The following CEP131 variants were observed in gnomAD, a reference collection of about 807,000 sequenced individuals.
CEP131 encodes the protein centrosomal protein of 131 kDa.
A neutral mutation model predicts 136.8 loss-of-function variants in CEP131; 99 were observed. The observed-to-expected ratio is 0.72, with a 90% CI of 0.62 to 0.86. The LOEUF is 0.86. CEP131 is among the 40% of genes least tolerant of loss of function. The pLI is 0.00. For synonymous variants in CEP131, 646 were observed against 612.7 expected (o/e 1.05, Z -0.80); for missense variants, 1,459 against 1,463.0 (o/e 1.00, Z 0.04).
intron 21 of CEP131, 42 bp from the exon 22 acceptor site, chr17:81,191,377 G>A (rs377242846): frequency 8.1e-6 from 13 of 1,608,470 alleles, no homozygotes; most frequent in South Asian, 1.1e-5. Context: ...ACCCGGAGCC[G>A]GCCCGCGGGG....
Position 81,214,782 on chromosome 17 carries a change from A to T in CEP131, c.177+5098T>A, listed in dbSNP as rs559500162. Among the ~76,000 whole-genome samples the T allele has an allele frequency of 1.3e-3, 193 of 150,770 alleles. 1 individual carries two copies. In the South Asian group the frequency reaches 0.03, roughly 24 times the overall value. On this transcript the variant is annotated intron_variant, in intron 2 of 25. Coordinates refer to ENST00000450824, the MANE Select transcript of CEP131 (RefSeq NM_014984.4). ...TTGGCAATGCCTATCAAAAAAAAAA[A>T]TTTTTTTTGAGACGGAATCTCGCTC...
In CEP131 at chr17:81,200,347, C is replaced by A. The variant is rs1261259319; in HGVS notation, c.888G>T (p.Leu296Phe). ...CACTGACCTCCCGCTTGGCCTGAAG[C>A]AAGTGCTCCAGGCGGGCAGCTCCTG... The part of the protein sequence containing the change: ...RGAGAARLEH[L>F]LQAKREEQRQ... Residue 296 changes from leucine to phenylalanine, a missense_variant, in exon 8 of 26, where the codon TTG becomes TTT. Leu to Phe is a conservative substitution (Grantham distance 22, BLOSUM62 0). This residue lies in a region of CEP131 where 246 missense variants were observed against 318.9 expected (regional missense o/e 0.77). Coordinates refer to ENST00000450824, the MANE Select transcript of CEP131 (RefSeq NM_014984.4). 1 of 1,598,266 alleles carries A rather than the reference C, an allele frequency of 6.3e-7. No individual in the cohort carries two copies. Among genetic ancestry groups the A allele is most frequent in the Admixed American group, 1.7e-5 (1 of 58,370 alleles).
chr17:81,196,541 G>T (rs2061758686), intron 15 of CEP131, among the ~76,000 whole-genome samples, 160 bp downstream of exon 15: 1 of 152,248 alleles, frequency 6.6e-6, no homozygotes, highest in African/African-American at 2.4e-5. Flanking sequence ...GGGCATGCAT[G>T]GCTGGGAATG....
intron 7 of CEP131, among the ~76,000 whole-genome samples, chr17:81,201,295 C>T (rs1008424166): frequency 2.0e-5 from 3 of 152,060 alleles, no homozygotes; most frequent in Non-Finnish European, 2.9e-5. Flanking sequence ...CCTAACTGGG[C>T]GGTAGGGTAG....
Position 81,192,796 on chromosome 17 carries a change from C to A in CEP131, c.2369G>T (p.Arg790Leu). ...AGCCACCTCACTGTACAGCCGCTGCCGTTGCTGCTGCAGCGCCCACTGCTC... is the reference window on the plus strand; with the variant it reads ...AGCCACCTCACTGTACAGCCGCTGCAGTTGCTGCTGCAGCGCCCACTGCTC... ...EQEQWALQQQ[R>L]QRLYSEVAEE... Residue 790 changes from arginine to leucine, a missense_variant, in exon 19 of 26, where the codon CGG (arginine) becomes CTG (leucine). By Grantham distance (102) the Arg-to-Leu change is moderately radical (BLOSUM62 -2). This residue lies in a region of CEP131 where 1,026 missense variants were observed against 964.2 expected (regional missense o/e 1.06). Transcript: ENST00000450824. 1 of 1,597,668 alleles carries A rather than the reference C, an allele frequency of 6.3e-7. No homozygotes were observed. The highest frequency in any genetic ancestry group is 8.5e-7 in the Non-Finnish European group (1 of 1,178,304).
rs988407930 is a variant in CEP131 at position 81,199,767 on chromosome 17, C to T, written c.975G>A (p.Arg325=). Residue 325 remains arginine (R), a synonymous_variant, in exon 9 of 26, where the codon AGG becomes AGA. Coordinates refer to ENST00000450824, the MANE Select transcript of CEP131 (RefSeq NM_014984.4). ...DLHQQKEAAR[R]KAREEKARQA... ...GGCGTGCCTTCTCCTCCCGGGCCTT[C>T]CTCCTGGCTGCCTCTTTCTGCTGGT... 17 of 1,611,562 alleles carry T rather than the reference C, an allele frequency of 1.1e-5. No homozygotes were observed. Among genetic ancestry groups the T allele is most frequent in the Non-Finnish European group, 1.4e-5 (17 of 1,180,002 alleles).
At chr17:81,207,309 C>T in intron 3 of CEP131, 70 bp from the exon 4 acceptor site, 1 of 1,390,928 alleles carries the variant, frequency 7.2e-7, no homozygotes, top group African/African-American at 1.4e-5. Context: ...GGCACACAGA[C>T]CAGGCAGGTC....
chr17:81,210,410 A>T (rs1167609361), intron 2 of CEP131, among the ~76,000 whole-genome samples: 2 of 152,166 alleles, frequency 1.3e-5, no homozygotes, highest in African/African-American at 4.8e-5. Flanking sequence ...TCTCTACTAA[A>T]AATACAAAAA....
Position 81,203,933 on chromosome 17 carries a change from C to T in CEP131, c.516-326G>A, listed in dbSNP as rs936847846. 1 of 285,438 alleles carries T rather than the reference C, an allele frequency of 3.5e-6. No individual in the cohort carries two copies. The highest frequency in any genetic ancestry group is 6.7e-6 in the Non-Finnish European group (1 of 149,526). 17.7% of individuals were successfully genotyped at this position (285,438 alleles called of 1,614,324 possible). ...AGCTTCCAGAGCAGACTCACAGAAG[C>T]GAAGCCCCATCCCACACGACGGATG... On this transcript the variant is annotated intron_variant, in intron 5 of 25. Transcript: ENST00000450824. This position sits in a 1 kb window ranked among gnomAD's most constrained non-coding sequence, Gnocchi z 4.6.
intron 13 of CEP131, chr17:81,197,336 T>G: frequency 1.8e-6 from 1 of 551,194 alleles, no homozygotes; most frequent in Non-Finnish European, 3.2e-6. Flanking sequence ...TTCACGTCAC[T>G]GCTCCATTTA....
At chr17:81,220,186 G>T in intron 1 of CEP131, 113 bp from the exon 2 acceptor site, 2 of 921,758 alleles carry the variant, frequency 2.2e-6, no homozygotes, top group Non-Finnish European at 2.9e-6. Flanking sequence ...AACTTCCTGG[G>T]AAGGCCTGTC....
At chr17:81,218,605 G>T (rs1438305060) in intron 2 of CEP131, among the ~76,000 whole-genome samples, 1 of 152,246 alleles carries the variant, frequency 6.6e-6, no homozygotes, top group African/African-American at 2.4e-5. Context: ...CAACCTGCCG[G>T]CCACAATGAC....
Position 81,220,007 on chromosome 17 carries a change from C to T in CEP131, c.50G>A (p.Gly17Asp). The stretch of plus-strand genomic sequence containing the variant: ...GAGACCTGTCAGACTCAGGTCCACA[C>T]CTGCTGGGCTGCGCTCCGGGACGCT... ...IGSVPERSPA[G>D]VDLSLTGLPP... Residue 17 changes from glycine (G) to aspartate (D), a missense_variant, in exon 2 of 26, where the codon GGT becomes GAT. Coordinates refer to ENST00000450824, the MANE Select transcript of CEP131 (RefSeq NM_014984.4). 6.2e-7 allele frequency: 1 copy of T among 1,610,378 alleles called. No individual in the cohort carries two copies. The highest frequency in any genetic ancestry group is 8.5e-7 in the Non-Finnish European group (1 of 1,178,684).
chr17:81,214,712 G>A (rs1206130438), intron 2 of CEP131, among the ~76,000 whole-genome samples: 7 of 152,186 alleles, frequency 4.6e-5, no homozygotes, highest in Admixed American at 1.3e-4. Context: ...GTGGCACCCT[G>A]TGATGCGAGT....
In CEP131 at chr17:81,212,003, T is replaced by C. The variant is rs561178563; in HGVS notation, c.178-2981A>G. On this transcript the variant is annotated intron_variant, in intron 2 of 25. Coordinates refer to ENST00000450824, the MANE Select transcript of CEP131 (RefSeq NM_014984.4). Reference sequence around the variant, plus strand: ...TGGACAATTCATAGAAAAGGAAATATACACGGCTCTTAAAAATATGAAAAG... The same window carrying C: ...TGGACAATTCATAGAAAAGGAAATACACACGGCTCTTAAAAATATGAAAAG... 2.0e-5 allele frequency among the ~76,000 whole-genome samples: 3 copies of C among 149,642 alleles called. No individual in the cohort carries two copies. In the East Asian group the frequency reaches 6.0e-4, roughly 30 times the overall value.
intron 18 of CEP131, among the ~76,000 whole-genome samples, chr17:81,193,058 A>G (rs986905094): frequency 6.6e-6 from 1 of 152,216 alleles, no homozygotes; most frequent in Non-Finnish European, 1.5e-5. Context: ...AAGCGCAGCA[A>G]TTCCCTGAGC....
In CEP131 at chr17:81,208,968, T is replaced by C; in HGVS notation, c.232A>G (p.Ser78Gly). Reference protein sequence around the residue: ...QAINNLRRSNSTTQVSQPRSG... With the variant: ...QAINNLRRSNGTTQVSQPRSG... Reference sequence around the variant, plus strand: ...CGAGGCTGGCTGACCTGCGTGGTGCTGTTGGATCTTCTAAGGTTGTTGATG... The same window carrying C: ...CGAGGCTGGCTGACCTGCGTGGTGCCGTTGGATCTTCTAAGGTTGTTGATG... The change falls in exon 3 of 26, where the codon AGC (serine) becomes GGC (glycine). Residue 78 changes from serine (S) to glycine (G), a missense_variant. Coordinates refer to ENST00000450824, the MANE Select transcript of CEP131 (RefSeq NM_014984.4). This position sits in a 1 kb window ranked among gnomAD's most constrained non-coding sequence, Gnocchi z 5.6. 1.2e-6 allele frequency: 2 copies of C among 1,614,012 alleles called. No individual in the cohort carries two copies. Among genetic ancestry groups the C allele is most frequent in the Non-Finnish European group, 1.7e-6 (2 of 1,179,960 alleles).
At chr17:81,200,178 G>T (rs2061858619) in intron 8 of CEP131, 151 bp downstream of exon 8, 2 of 674,120 alleles carry the variant, frequency 3.0e-6, no homozygotes, top group African/African-American at 1.8e-5. Flanking sequence ...CTGTCCGCGG[G>T]GACCCAGGGT....
Position 81,199,699 on chromosome 17 carries a change from G to A in CEP131, c.1023+20C>T. On this transcript the variant is annotated intron_variant, in intron 9 of 25. Transcript: ENST00000450824. ...GGCCTGGGCCACGGTGCTGCTCAGT[G>A]GTCCCTGCGCGGTCAGCACCTGAAT... 1 of 1,605,628 alleles carries A rather than the reference G, an allele frequency of 6.2e-7. No homozygotes were observed. Among genetic ancestry groups the A allele is most frequent in the Non-Finnish European group, 8.5e-7 (1 of 1,178,952 alleles).
Sources: allele counts gnomAD v4.1 joint callset (sites outside exome capture counted in the v4.1 genomes callset), GRCh38; gene constraint gnomAD v4.1.1; regional missense constraint gnomAD v4.1.1; non-coding constraint Gnocchi (gnomAD v3.1); transcripts MANE v1.5; gene names NCBI Gene and HGNC (gene_info 2026-07-23, HGNC 2026-07-21).